SPAG16: variants seen among roughly 807,000 people sequenced by gnomAD.
The protein encoded by SPAG16 is sperm-associated antigen 16 protein.
Under a neutral mutation model 80.4 loss-of-function variants are expected in SPAG16, and 86 were observed. That is an observed-to-expected ratio of 1.07 (90% CI 0.90 to 1.28). The LOEUF is 1.28. Among genes scored for constraint, SPAG16 ranks in the 50% most tolerant of loss-of-function variants. The pLI is 0.00. For synonymous variants in SPAG16, 294 were observed against 265.9 expected (o/e 1.11, Z -1.03); for missense variants, 870 against 765.3 (o/e 1.14, Z -1.61).
chr2:213,985,602 C>A (rs949385706), intron 12 of SPAG16, among the ~76,000 whole-genome samples: 1 of 152,002 alleles, frequency 6.6e-6, no homozygotes. Flanking sequence ...CTACATAGAT[C>A]TTTGCACAAA....
chr2:213,600,362 A>G (rs1306667925), intron 10 of SPAG16, among the ~76,000 whole-genome samples: 3 of 152,174 alleles, frequency 2.0e-5, no homozygotes, highest in African/African-American at 7.2e-5. Flanking sequence ...TCTCTGCATC[A>G]TCTTTTATTT....
At chr2:213,838,510 C>G (rs183422061) in intron 10 of SPAG16, among the ~76,000 whole-genome samples, 3 of 152,240 alleles carry the variant, frequency 2.0e-5, no homozygotes, top group Admixed American at 2.0e-4. Flanking sequence ...TGTACTTCCC[C>G]AAAATTGTAG....
intron 13 of SPAG16, among the ~76,000 whole-genome samples, chr2:214,105,324 A>G (rs2053326030): frequency 6.6e-6 from 1 of 152,204 alleles, no homozygotes. Flanking sequence ...ATAGTATATG[A>G]CAAATATTAA....
chr2:214,329,041 T>C (rs1237261350), intron 15 of SPAG16, among the ~76,000 whole-genome samples: 1 of 152,226 alleles, frequency 6.6e-6, no homozygotes. Context: ...GGTTAGAATG[T>C]AACTTTGTAG....
chr2:214,068,229 G>A (rs1220022621), intron 13 of SPAG16, among the ~76,000 whole-genome samples: 1 of 152,112 alleles, frequency 6.6e-6, no homozygotes, highest in East Asian at 1.9e-4. Flanking sequence ...ATATGTGACT[G>A]TATTTTAGTT....
At chr2:213,484,537 G>A (rs541747726) in intron 9 of SPAG16, among the ~76,000 whole-genome samples, 1 of 152,224 alleles carries the variant, frequency 6.6e-6, no homozygotes, top group Non-Finnish European at 1.5e-5. Flanking sequence ...TAAGCAAAAC[G>A]TCTCCATTTT....
At chr2:213,643,345 ATT>A (rs1232808697) in intron 10 of SPAG16, among the ~76,000 whole-genome samples, 1,780 of 45,846 alleles carry the variant, frequency 0.039, 236 homozygotes, top group Middle Eastern at 0.071. Flanking sequence ...TTGGATCTTA[ATT>A]TTATATATAT....
intron 15 of SPAG16, among the ~76,000 whole-genome samples, chr2:214,157,623 T>G (rs2056271309): frequency 6.6e-6 from 1 of 152,104 alleles, no homozygotes; most frequent in African/African-American, 2.4e-5. Flanking sequence ...TTGTATAATG[T>G]CCATTCTGAT....
At chr2:213,503,622 G>A (rs1380429097) in intron 10 of SPAG16, among the ~76,000 whole-genome samples, 1 of 152,180 alleles carries the variant, frequency 6.6e-6, no homozygotes, top group Non-Finnish European at 1.5e-5. Context: ...AAACCTGGGG[G>A]ACAAAGCTAC....
chr2:213,957,851 AT>A (rs1049517982), intron 12 of SPAG16, among the ~76,000 whole-genome samples: 6 of 152,126 alleles, frequency 3.9e-5, no homozygotes, highest in South Asian at 2.1e-4. Context: ...TTCTGTTGTG[AT>A]TTTCTAATTT....
intron 15 of SPAG16, among the ~76,000 whole-genome samples, chr2:214,341,720 T>C (rs535721114): frequency 5.9e-5 from 9 of 152,298 alleles, no homozygotes; most frequent in Middle Eastern, 3.4e-3. Context: ...ATAAGCACAT[T>C]TTCAGACATG....
At position 214,108,477 on chromosome 2, in the gene SPAG16, ACAC is replaced by A. The variant is rs761187037; in HGVS notation, c.1593+218_1593+220del. ...CACACACACACACACACACACACACACACCCCCACACACACCCCAAGTCGTAGC... is the reference window on the plus strand; with the variant it reads ...CACACACACACACACACACACACACACCCCACACACACCCCAAGTCGTAGC... On this transcript the variant is annotated intron_variant, in intron 14 of 15. Transcript: ENST00000331683. 5.5e-3 allele frequency among the ~76,000 whole-genome samples: 353 copies of A among 64,508 alleles called. 5 individuals carry two copies. The highest frequency in any genetic ancestry group is 0.019 in the African/African-American group (333 of 17,268). 42.3% of individuals were successfully genotyped at this position (64,508 alleles called of 152,430 possible).
intron 11 of SPAG16, among the ~76,000 whole-genome samples, chr2:213,868,611 G>A (rs920689716): frequency 6.6e-6 from 1 of 152,196 alleles, no homozygotes; most frequent in African/African-American, 2.4e-5. Context: ...ACCAGTGCTT[G>A]GAGTTGCATT....
At chr2:214,193,994 A>G (rs185363830) in intron 15 of SPAG16, among the ~76,000 whole-genome samples, 19 of 152,212 alleles carry the variant, frequency 1.2e-4, no homozygotes, top group Non-Finnish European at 2.8e-4. Flanking sequence ...ATTGGTTGGC[A>G]TTCTTTAGAG....
chr2:213,967,519 G>A (rs1042262995), intron 12 of SPAG16, among the ~76,000 whole-genome samples: 27 of 151,960 alleles, frequency 1.8e-4, no homozygotes, highest in African/African-American at 6.5e-4. Context: ...GGAGAAAAAA[G>A]GAATAGACTC....
intron 8 of SPAG16, among the ~76,000 whole-genome samples, chr2:213,368,594 G>C (rs2066455501): frequency 6.6e-6 from 1 of 152,134 alleles, no homozygotes; most frequent in South Asian, 2.1e-4. Flanking sequence ...GAAATAAAGG[G>C]TATTCAGTTA....
intron 8 of SPAG16, among the ~76,000 whole-genome samples, chr2:213,374,077 T>A (rs929797532): frequency 6.6e-6 from 1 of 152,162 alleles, no homozygotes; most frequent in Non-Finnish European, 1.5e-5. Context: ...CTCAAGTACT[T>A]TCATGTAACG....
chr2:213,375,107 A>G lies in SPAG16; in HGVS notation c.930A>G (p.Lys310=). ...REQNKCKTKM[K]GNTKDSEFPI... ...AAAACAAATGTAAAACAAAGATGAA[A>G]GGCAATACAAAGGTATGATATTTGT... The change falls in exon 9 of 16, where the codon AAA becomes AAG. Residue 310 remains lysine (K), a synonymous_variant. Transcript: ENST00000331683. 5.6e-6 allele frequency: 9 copies of G among 1,604,936 alleles called. No homozygotes were observed. The highest frequency in any genetic ancestry group is 3.3e-5 in the South Asian group (3 of 89,676).
At chr2:213,813,871 G>A (rs2072341694) in intron 10 of SPAG16, among the ~76,000 whole-genome samples, 2 of 152,228 alleles carry the variant, frequency 1.3e-5, no homozygotes, top group South Asian at 2.1e-4. Context: ...ACAGAGTTTA[G>A]CTGACATGAA....
Sources: allele counts gnomAD v4.1 joint callset (sites outside exome capture counted in the v4.1 genomes callset), GRCh38; gene constraint gnomAD v4.1.1; transcripts MANE v1.5; gene names NCBI Gene and HGNC (gene_info 2026-07-23, HGNC 2026-07-21).